Variants in NAV3 observed in about 807,000 individuals in gnomAD.
NAV3 encodes pore membrane and/or filament interacting like protein 1.
NAV3 carries 87 observed loss-of-function variants against 244.7 expected under a neutral mutation model. The ratio of observed to expected loss-of-function variants is 0.36; its 90% CI spans 0.30 to 0.42. The LOEUF is 0.42. Among genes scored for constraint, NAV3 ranks in the 20% least tolerant of loss-of-function variants. The pLI is 1.00. For synonymous variants in NAV3, 1,126 were observed against 1,042.2 expected (o/e 1.08, Z -1.55); for missense variants, 2,663 against 2,893.3 (o/e 0.92, Z 1.83).
intron 5 of NAV3, among the ~76,000 whole-genome samples, chr12:77,977,895 G>A (rs1165055558): frequency 6.6e-6 from 1 of 152,028 alleles, no homozygotes; most frequent in African/African-American, 2.4e-5. Flanking sequence ...TGATAGTTTG[G>A]GGAGATCAGT....
At chr12:77,908,382 A>G (rs1258526381) in intron 1 of NAV3, among the ~76,000 whole-genome samples, 4 of 152,060 alleles carry the variant, frequency 2.6e-5, no homozygotes, top group Non-Finnish European at 4.4e-5. Context: ...AAAGCTTGGA[A>G]GTCTTTTATT....
At chr12:77,958,737 C>T (rs1891598900) in intron 3 of NAV3, among the ~76,000 whole-genome samples, 1 of 151,978 alleles carries the variant, frequency 6.6e-6, no homozygotes. Context: ...TCAAGCCATG[C>T]TTAAATTTAA....
intron 12 of NAV3, among the ~76,000 whole-genome samples, chr12:78,097,647 ACT>A (rs1304884971): frequency 2.0e-5 from 3 of 152,268 alleles, no homozygotes; most frequent in Admixed American, 1.3e-4. Flanking sequence ...CATGGTTAAT[ACT>A]TTTGTAATTT....
chr12:78,200,445 A>G (rs768878770), intron 37 of NAV3, 28 bp from the exon 38 acceptor site: 1 of 1,362,028 alleles, frequency 7.3e-7, no homozygotes, highest in South Asian at 1.4e-5. Flanking sequence ...ATAACTCTTA[A>G]AATATTTTGT....
At chr12:78,180,044 C>A (rs1160764540) in intron 29 of NAV3, among the ~76,000 whole-genome samples, 1 of 152,080 alleles carries the variant, frequency 6.6e-6, no homozygotes, top group Non-Finnish European at 1.5e-5. Flanking sequence ...ATCTGATTTT[C>A]ACATACTTTC....
intron 2 of NAV3, among the ~76,000 whole-genome samples, chr12:77,613,776 G>A: frequency 6.6e-6 from 1 of 152,036 alleles, no homozygotes; most frequent in Admixed American, 6.6e-5. Flanking sequence ...CTGAAGTTTT[G>A]TAACTTCCCT....
chr12:77,936,805 G>A (rs751219306), intron 1 of NAV3, among the ~76,000 whole-genome samples: 4 of 151,946 alleles, frequency 2.6e-5, no homozygotes, highest in East Asian at 1.9e-4. Context: ...CTCTCATCAC[G>A]GCATTACAGT....
At chr12:77,622,684 G>A (rs1399968864) in intron 2 of NAV3, among the ~76,000 whole-genome samples, 1 of 151,754 alleles carries the variant, frequency 6.6e-6, no homozygotes, top group African/African-American at 2.4e-5. Flanking sequence ...ATAATTCCCG[G>A]TTTTGACACA....
At position 78,205,091 on chromosome 12, in the gene NAV3, A is replaced by G. The variant is rs751324980; in HGVS notation, c.6991A>G (p.Thr2331Ala). 9.9e-6 allele frequency: 16 copies of G among 1,613,552 alleles called. No homozygotes were observed. In the East Asian group the frequency reaches 3.6e-4, roughly 36 times the overall value. The change falls in exon 39 of 40, where the codon ACA becomes GCA. Residue 2331 changes from threonine (T) to alanine (A), a missense_variant. Around this residue, in one of 6 missense-constraint regions of NAV3, gnomAD observed 543 missense variants for 672.4 expected, o/e 0.81. Transcript: ENST00000397909. ...AAGCTGCACATCCACTAAGGAAGCC[A>G]CAACCTCAAAGCACATTCCGCAAAC... ...YESCTSTKEA[T>A]TSKHIPQTDT...
At position 77,976,662 on chromosome 12, in the gene NAV3, C is replaced by CTTTTTTTTTTTTTTTTTTTTT. The variant is rs869100684; in HGVS notation, c.671+7963_671+7964insTTTTTTTTTTTTTTTTTTTTT. On this transcript the variant is annotated intron_variant, in intron 5 of 39. Transcript: ENST00000397909. ...TACTGTATTCTTTCTTTCTTTCTTT[C>CTTTTTTTTTTTTTTTTTTTTT]TTTCTTTTTTTCTTTTTTTTTTTTT... Among the ~76,000 whole-genome samples the CTTTTTTTTTTTTTTTTTTTTT allele has an allele frequency of 3.9e-5, 3 of 77,400 alleles. 1 individual carries two copies. Among genetic ancestry groups the CTTTTTTTTTTTTTTTTTTTTT allele is most frequent in the African/African-American group, 9.9e-5 (2 of 20,138 alleles). 50.8% of individuals were successfully genotyped at this position (77,400 alleles called of 152,430 possible). A position where few individuals can be genotyped will look rare whatever the true frequency, so the allele number is the denominator to read the frequency against.
intron 38 of NAV3, among the ~76,000 whole-genome samples, chr12:78,204,363 T>C (rs1002222469): frequency 1.3e-5 from 2 of 151,918 alleles, no homozygotes; most frequent in African/African-American, 4.8e-5. Flanking sequence ...AATAATAAAA[T>C]AAGATAAAAA....
chr12:78,010,519 G>A (rs935812519), intron 8 of NAV3, among the ~76,000 whole-genome samples: 6 of 152,084 alleles, frequency 3.9e-5, no homozygotes, highest in African/African-American at 1.2e-4. Context: ...AAATGAAGAA[G>A]CAGAGATATT....
intron 2 of NAV3, among the ~76,000 whole-genome samples, chr12:77,741,146 G>GAAAAAAAAAAAAAAAAAAAAAAAAA (rs1393220189): frequency 5.4e-4 from 4 of 7,372 alleles, no homozygotes; most frequent in African/African-American, 8.9e-4. Context: ...AAAAAAAAAA[G>GAAAAAAAAAAAAAAAAAAAAAAAAA]ACAAAAAAAA....
intron 35 of NAV3, 21 bp downstream of exon 35, chr12:78,197,422 G>T: frequency 6.5e-7 from 1 of 1,539,852 alleles, no homozygotes; most frequent in South Asian, 1.2e-5. Context: ...CAAATATTCT[G>T]AATAATGAAA....
At chr12:77,581,076 G>A (rs696444) in intron 2 of NAV3, among the ~76,000 whole-genome samples, 5,763 of 152,184 alleles carry the variant, frequency 0.038, 130 homozygotes, top group Middle Eastern at 0.071. Flanking sequence ...GCCCAGGACT[G>A]CTATTACTTG....
intron 2 of NAV3, among the ~76,000 whole-genome samples, chr12:77,679,386 T>A (rs1044037890): frequency 1.3e-5 from 2 of 152,058 alleles, no homozygotes; most frequent in African/African-American, 4.8e-5. Flanking sequence ...AACTTACAAA[T>A]GAATGGGTAG....
intron 12 of NAV3, among the ~76,000 whole-genome samples, chr12:78,110,426 G>T (rs977879648): frequency 1.3e-5 from 2 of 151,928 alleles, no homozygotes; most frequent in Non-Finnish European, 2.9e-5. Flanking sequence ...CATAGAATTA[G>T]AATAATCCTA....
intron 34 of NAV3, among the ~76,000 whole-genome samples, chr12:78,193,311 T>C (rs542853841): frequency 1.9e-4 from 29 of 152,290 alleles, no homozygotes; most frequent in African/African-American, 6.3e-4. Context: ...TTACACTTTG[T>C]GACATTCGAT....
intron 1 of NAV3, among the ~76,000 whole-genome samples, chr12:77,930,240 A>G (rs968945967): frequency 2.0e-5 from 3 of 152,014 alleles, no homozygotes; most frequent in Non-Finnish European, 4.4e-5. Flanking sequence ...ACTACCCCCA[A>G]TATACTTACA....
Sources: gnomAD v4.1 joint callset for allele counts (sites outside exome capture counted in the v4.1 genomes callset) on GRCh38, gnomAD v4.1.1 for gene constraint, gnomAD v4.1.1 regional missense constraint, MANE v1.5 for transcripts, NCBI Gene and HGNC (gene_info 2026-07-23, HGNC 2026-07-21) for gene names.